Variants in EYS observed in about 807,000 individuals in gnomAD.
EYS encodes EGF-like photoreceptor maintenance factor, also known as protein eyes shut homolog.
EYS carries 250 observed loss-of-function variants against 282.1 expected under a neutral mutation model. That is an observed-to-expected ratio of 0.89 (90% CI 0.80 to 0.98). The LOEUF (loss-of-function observed/expected upper bound fraction) is 0.98. EYS is among the 50% of genes least tolerant of loss of function. The probability of loss-of-function intolerance (pLI) is 0.00; values close to 1 mark genes in which losing one functional copy is unlikely to be tolerated. For missense variants in EYS, 4,016 were observed against 3,709.0 expected (o/e 1.08, Z -2.15); for synonymous variants, 1,355 against 1,282.9 (o/e 1.06, Z -1.20).
chr6:65,429,327 C>A (rs9342476), intron 5 of EYS, among the ~76,000 whole-genome samples: 60,656 of 151,890 alleles, frequency 0.4, 12,405 homozygotes, highest in East Asian at 0.59. Context: ...ATTATAAAGC[C>A]GCTTACTCTT....
chr6:64,076,381 G>C (rs1223417565), intron 32 of EYS, among the ~76,000 whole-genome samples: 2 of 151,934 alleles, frequency 1.3e-5, no homozygotes, highest in Admixed American at 1.3e-4. Flanking sequence ...GGAGAGTGGG[G>C]AGAATAGAGA....
intron 12 of EYS, among the ~76,000 whole-genome samples, chr6:65,162,239 A>C (rs1030689038): frequency 6.6e-6 from 1 of 151,236 alleles, no homozygotes; most frequent in African/African-American, 2.4e-5. Context: ...ATTTCTCAGG[A>C]TTCTATGAGA....
At chr6:64,928,041 A>G (rs1220070832) in intron 15 of EYS, among the ~76,000 whole-genome samples, 1 of 152,062 alleles carries the variant, frequency 6.6e-6, no homozygotes, top group Non-Finnish European at 1.5e-5. Context: ...GTAGTTACAC[A>G]AGTAAGTGCA....
At chr6:64,830,106 A>G (rs1359621034) in intron 19 of EYS, among the ~76,000 whole-genome samples, 1 of 151,970 alleles carries the variant, frequency 6.6e-6, no homozygotes, top group Non-Finnish European at 1.5e-5. Flanking sequence ...GCCCTCATCA[A>G]TGGAATTAGT....
chr6:65,514,159 A>G (rs1348699472), intron 2 of EYS, among the ~76,000 whole-genome samples: 1 of 152,054 alleles, frequency 6.6e-6, no homozygotes, highest in Non-Finnish European at 1.5e-5. Context: ...AGACAAACAG[A>G]GCCAAATCAT....
intron 12 of EYS, among the ~76,000 whole-genome samples, chr6:65,169,461 T>A (rs1335268629): frequency 6.6e-6 from 1 of 151,524 alleles, no homozygotes; most frequent in African/African-American, 2.4e-5. Context: ...TATTTTTAAA[T>A]GTTTACATTT....
At chr6:64,388,916 A>G in intron 28 of EYS, 76 bp from the exon 29 acceptor site, 1 of 929,704 alleles carries the variant, frequency 1.1e-6, no homozygotes, top group Non-Finnish European at 1.5e-6. Flanking sequence ...TTAAACTATT[A>G]TCAAAAGAAT....
intron 22 of EYS, among the ~76,000 whole-genome samples, chr6:64,656,338 T>C (rs1381321943): frequency 6.6e-6 from 1 of 152,144 alleles, no homozygotes; most frequent in African/African-American, 2.4e-5. Context: ...GCAATTATTC[T>C]TGAATAACAG....
chr6:65,131,057 T>C (rs562945247), intron 12 of EYS, among the ~76,000 whole-genome samples: 3 of 151,714 alleles, frequency 2.0e-5, no homozygotes, highest in Non-Finnish European at 4.4e-5. Flanking sequence ...AAAATATATA[T>C]TTGGAGTACA....
At chr6:64,622,538 C>T (rs2149853838) in intron 23 of EYS, among the ~76,000 whole-genome samples, 1 of 152,144 alleles carries the variant, frequency 6.6e-6, no homozygotes, top group African/African-American at 2.4e-5. Flanking sequence ...GCAGGATTCA[C>T]ACAGCTCTGT....
At chr6:64,004,703 C>G (rs867842803) in intron 33 of EYS, among the ~76,000 whole-genome samples, 1 of 152,050 alleles carries the variant, frequency 6.6e-6, no homozygotes, top group Non-Finnish European at 1.5e-5. Context: ...CACTTGTAAA[C>G]GAGATTGTGT....
chr6:64,947,176 A>G (rs12200181), intron 14 of EYS, among the ~76,000 whole-genome samples: 30,376 of 151,794 alleles, frequency 0.2, 3,241 homozygotes, highest in East Asian at 0.25. Context: ...AAAAACAAAC[A>G]TGATATGACC....
chr6:64,707,820 A>G lies in EYS; in HGVS notation c.3444-81575T>C, dbSNP rs763693045. Reference sequence around the variant, plus strand: ...AATCAAAAAAGAAAACTAACTCTACATTATGTAGGTCAAATAATTATGAGG... The same window carrying G: ...AATCAAAAAAGAAAACTAACTCTACGTTATGTAGGTCAAATAATTATGAGG... On this transcript the variant is annotated intron_variant, in intron 22 of 42. Transcript: ENST00000503581. 1.8e-4 allele frequency among the ~76,000 whole-genome samples: 27 copies of G among 152,202 alleles called. 1 individual carries two copies. Among genetic ancestry groups the G allele is most frequent in the Admixed American group, 1.3e-3 (20 of 15,282 alleles).
chr6:64,665,693 A>G (rs1207125028), intron 22 of EYS, among the ~76,000 whole-genome samples: 4 of 152,204 alleles, frequency 2.6e-5, no homozygotes, highest in African/African-American at 4.8e-5. Flanking sequence ...ACCAATTGTC[A>G]CGTTTTCACT....
At chr6:65,001,399 C>T (rs1393655748) in intron 13 of EYS, among the ~76,000 whole-genome samples, 1 of 147,092 alleles carries the variant, frequency 6.8e-6, no homozygotes, top group Non-Finnish European at 1.5e-5. Flanking sequence ...TCTGACCACT[C>T]CCAAACTCCT....
intron 19 of EYS, among the ~76,000 whole-genome samples, chr6:64,854,061 C>T (rs898050069): frequency 8.6e-5 from 13 of 151,918 alleles, no homozygotes; most frequent in African/African-American, 2.7e-4. Context: ...TACCATCTCA[C>T]ACCAGTTAGA....
intron 12 of EYS, among the ~76,000 whole-genome samples, chr6:65,077,288 A>C (rs1360681408): frequency 6.6e-6 from 1 of 152,098 alleles, no homozygotes; most frequent in Non-Finnish European, 1.5e-5. Flanking sequence ...TTTTACTCAA[A>C]GTATGCATTT....
chr6:64,556,994 A>G (rs914574542), intron 26 of EYS, among the ~76,000 whole-genome samples: 6 of 151,988 alleles, frequency 3.9e-5, no homozygotes, highest in Non-Finnish European at 8.8e-5. Context: ...AAGTTAAGAG[A>G]AAAAGTAACT....
intron 12 of EYS, among the ~76,000 whole-genome samples, chr6:65,187,921 T>C (rs183198779): frequency 1.3e-5 from 2 of 151,768 alleles, no homozygotes; most frequent in Admixed American, 6.6e-5. Context: ...AACTATGTTC[T>C]TTTTCCTTCT....
Sources: gnomAD v4.1 joint callset for allele counts (sites outside exome capture counted in the v4.1 genomes callset) on GRCh38, gnomAD v4.1.1 for gene constraint, MANE v1.5 for transcripts, NCBI Gene and HGNC (gene_info 2026-07-23, HGNC 2026-07-21) for gene names.